Variants in AOPEP observed in about 807,000 individuals in gnomAD.
The protein encoded by AOPEP is aminopeptidase O (putative).
AOPEP carries 77 observed loss-of-function variants against 98.1 expected under a neutral mutation model. The observed-to-expected ratio is 0.78, with a 90% CI of 0.65 to 0.95. The LOEUF is 0.95. Among genes scored for constraint, AOPEP ranks in the 40% least tolerant of loss-of-function variants. AOPEP has a pLI of 0.00. For missense variants in AOPEP, 1,024 were observed against 1,024.7 expected, an observed-to-expected ratio of 1.00 and a Z score of 0.01; for synonymous variants, 346 against 365.3, an observed-to-expected ratio of 0.95 and a Z score of 0.60.
chr9:95,040,463 G>A (rs765003834), intron 13 of AOPEP, among the ~76,000 whole-genome samples: 11 of 152,214 alleles, frequency 7.2e-5, no homozygotes, highest in Non-Finnish European at 1.3e-4. Context: ...ACAGAGCCAC[G>A]TGGTAACCCC....
chr9:95,070,628 C>T (rs888047142), intron 14 of AOPEP, among the ~76,000 whole-genome samples: 7 of 152,248 alleles, frequency 4.6e-5, no homozygotes, highest in Admixed American at 3.3e-4. Context: ...CTGGGCATTG[C>T]GACAGGCCCA....
intron 8 of AOPEP, 114 bp downstream of exon 8, chr9:94,955,393 C>T (rs549161151): frequency 1.9e-4 from 127 of 661,506 alleles, no homozygotes; most frequent in Non-Finnish European, 3.1e-4. Flanking sequence ...GTAATGATAT[C>T]TGACTGGCCA....
rs148231260 is a variant in AOPEP at position 94,819,197 on chromosome 9, G to A, written c.1364+18195G>A. ...CCATCACTTTTGGATCAGAGATTGA[G>A]CCTGTCAGCTCCTGAAACAGCTGTC... On this transcript the variant is annotated intron_variant, in intron 5 of 16. Transcript: ENST00000375315. 1.2e-4 allele frequency among the ~76,000 whole-genome samples: 19 copies of A among 152,258 alleles called. No individual in the cohort carries two copies. In the East Asian group the frequency reaches 3.5e-3, roughly 28 times the overall value.
At chr9:95,073,023 A>G (rs1039738112) in intron 14 of AOPEP, among the ~76,000 whole-genome samples, 4 of 152,222 alleles carry the variant, frequency 2.6e-5, no homozygotes, top group Non-Finnish European at 4.4e-5. Flanking sequence ...TAAGGGAGCC[A>G]TCTTTACAAA....
chr9:95,019,800 T>C (rs1303524939), intron 13 of AOPEP: 1 of 152,226 alleles, frequency 6.6e-6, no homozygotes, highest in African/African-American at 2.4e-5. Flanking sequence ...TTCAGGCAAC[T>C]TGAGAAAATA....
rs778104698 is a variant in AOPEP, at chr9:95,005,152, C to G, written c.1978-6C>G. 6.1e-6 allele frequency: 7 copies of G among 1,145,374 alleles called. No individual in the cohort carries two copies. The highest frequency in any genetic ancestry group is 2.1e-6 in the Non-Finnish European group (2 of 930,392). 71.0% of individuals were successfully genotyped at this position (1,145,374 alleles called of 1,614,324 possible). A position where few individuals can be genotyped will look rare whatever the true frequency, so the allele number is the denominator to read the frequency against. ...GTAAACTTGACTGTGTCCTCTTCCC[C>G]CGCAGCCGCTGCAGAGGGAGCGTCG... On this transcript the variant is annotated splice_polypyrimidine_tract_variant and splice_region_variant and intron_variant, in intron 11 of 16. Transcript: ENST00000375315.
At chr9:95,144,140 G>T in the AOPEP span, among the ~76,000 whole-genome samples, 1 of 152,120 alleles carries the variant, frequency 6.6e-6, no homozygotes, top group African/African-American at 2.4e-5. Flanking sequence ...GGGGAGGGGG[G>T]GCTGGGCGCG....
chr9:95,124,280 G>A, the AOPEP span, among the ~76,000 whole-genome samples: 1 of 152,028 alleles, frequency 6.6e-6, no homozygotes, highest in African/African-American at 2.4e-5. Flanking sequence ...AGATGCACTG[G>A]ACCAGCACCA....
chr9:94,760,337 A>T lies in AOPEP; in HGVS notation c.554A>T (p.Asn185Ile). Residue 185 changes from asparagine (N) to isoleucine (I), a missense_variant, in exon 2 of 17, where the codon AAT becomes ATT. Coordinates refer to ENST00000375315, the MANE Select transcript of AOPEP (RefSeq NM_001193329.3). ...ACGGTTGTTTCTGAGGAGTTCAGGAATCAGATTGTACGTGAACTTGTGACT... is the reference window on the plus strand; with the variant it reads ...ACGGTTGTTTCTGAGGAGTTCAGGATTCAGATTGTACGTGAACTTGTGACT... ...ELTVVSEEFRNQIVRELVTLP... is the reference protein window; with the variant it reads ...ELTVVSEEFRIQIVRELVTLP... The T allele has an allele frequency of 6.2e-7, 1 of 1,614,220 alleles. No homozygotes were observed. The highest frequency in any genetic ancestry group is 8.5e-7 in the Non-Finnish European group (1 of 1,180,034).
intron 14 of AOPEP, among the ~76,000 whole-genome samples, chr9:95,063,910 G>A (rs1050046920): frequency 2.3e-4 from 18 of 77,194 alleles, no homozygotes; most frequent in Non-Finnish European, 5.1e-4. Context: ...TTGACAAAAG[G>A]CAGTTTCAAA....
intron 1 of AOPEP, among the ~76,000 whole-genome samples, chr9:94,741,065 TC>T (rs1436643040): frequency 6.6e-6 from 1 of 151,892 alleles, no homozygotes; most frequent in Non-Finnish European, 1.5e-5. Flanking sequence ...AGAAAGTGTT[TC>T]TCTGTTGGGT....
the AOPEP span, among the ~76,000 whole-genome samples, chr9:95,149,296 C>T: frequency 4.0e-4 from 60 of 151,860 alleles, no homozygotes; most frequent in African/African-American, 1.3e-3. Context: ...ACCTGAGCAA[C>T]GGTAGGAGGG....
intron 1 of AOPEP, among the ~76,000 whole-genome samples, chr9:94,733,552 C>T (rs911130848): frequency 3.3e-5 from 5 of 152,150 alleles, no homozygotes; most frequent in African/African-American, 1.2e-4. Context: ...TGGTGTAGTT[C>T]TGTATTTGTT....
chr9:95,122,342 A>G, the AOPEP span, among the ~76,000 whole-genome samples: 1 of 152,216 alleles, frequency 6.6e-6, no homozygotes, highest in African/African-American at 2.4e-5. Flanking sequence ...AAGGGTTTTG[A>G]TTAGCTAAAA....
chr9:95,138,597 A>T, the AOPEP span, among the ~76,000 whole-genome samples: 1 of 152,160 alleles, frequency 6.6e-6, no homozygotes, highest in East Asian at 1.9e-4. Context: ...TTCAGGATCC[A>T]TGTAACACGA....
intron 7 of AOPEP, chr9:94,933,169 A>C: frequency 2.0e-6 from 2 of 985,704 alleles, no homozygotes; most frequent in Non-Finnish European, 2.4e-6. Context: ...CCTGCCTACA[A>C]GGTCCCCTCC....
chr9:94,996,327 CAT>C (rs1243721068), intron 11 of AOPEP, among the ~76,000 whole-genome samples: 1 of 150,588 alleles, frequency 6.6e-6, no homozygotes, highest in Non-Finnish European at 1.5e-5. Context: ...CCACCCCCCA[CAT>C]GTGGTGGATT....
At chr9:94,878,378 T>A (rs1176933427) in intron 5 of AOPEP, among the ~76,000 whole-genome samples, 2 of 150,742 alleles carry the variant, frequency 1.3e-5, no homozygotes, top group East Asian at 3.9e-4. Context: ...GTTACAGGTG[T>A]GGGTGTGAGA....
intron 9 of AOPEP, among the ~76,000 whole-genome samples, chr9:94,965,797 G>T (rs2059153175): frequency 6.6e-6 from 1 of 152,028 alleles, no homozygotes; most frequent in Non-Finnish European, 1.5e-5. Flanking sequence ...CCTGTGTAGA[G>T]TCTGTATTTG....
Sources: allele counts gnomAD v4.1 joint callset (sites outside exome capture counted in the v4.1 genomes callset), GRCh38; gene constraint gnomAD v4.1.1; transcripts MANE v1.5; gene names NCBI Gene and HGNC (gene_info 2026-07-23, HGNC 2026-07-21).